Variants in DNMT3A observed in about 807,000 individuals in gnomAD.
DNMT3A encodes DNA (cytosine-5)-methyltransferase 3A.
DNMT3A carries 267 observed loss-of-function variants against 117.6 expected under a neutral mutation model. The observed-to-expected ratio is 2.27, with a 90% CI of 2.05 to 2.51. DNMT3A has a LOEUF of 2.51. Among genes scored for constraint, DNMT3A ranks in the 30% most tolerant of loss-of-function variants. The pLI is 0.00. For missense variants in DNMT3A, 1,029 were observed against 1,260.2 expected, an observed-to-expected ratio of 0.82 and a Z score of 2.78; for synonymous variants, 432 against 474.8, an observed-to-expected ratio of 0.91 and a Z score of 1.17.
Position 25,227,974 on chromosome 2 carries a change from T to C in DNMT3A, c.*6305A>G, listed in dbSNP as rs1333008126. 1 of 151,472 alleles carries C rather than the reference T, an allele frequency of 6.6e-6. No individual in the cohort carries two copies. The highest frequency in any genetic ancestry group is 2.4e-5 in the African/African-American group (1 of 41,218). 9.4% of individuals were successfully genotyped at this position (151,472 alleles called of 1,614,324 possible). A position where few individuals can be genotyped will look rare whatever the true frequency, so the allele number is the denominator to read the frequency against. ...ATATTCTTCTGGGCACAAAAAAAAA[T>C]GTGATGAAGGCGGAACTGACAGACT... On this transcript the variant is annotated 3_prime_UTR_variant, in exon 23 of 23. Coordinates refer to ENST00000321117, the MANE Select transcript of DNMT3A (RefSeq NM_022552.5).
Position 25,281,042 on chromosome 2 carries a change from G to A in DNMT3A, c.448+1399C>T, listed in dbSNP as rs754768239. On this transcript the variant is annotated intron_variant, in intron 4 of 22. Coordinates refer to ENST00000321117, the MANE Select transcript of DNMT3A (RefSeq NM_022552.5). This position sits in a 1 kb window ranked among gnomAD's most constrained non-coding sequence, Gnocchi z 4.8. ...GCTGATGGGTTCTCTCACACACCTG[G>A]CATTGTTAATGGGAAGGATGGTGTC... Among the ~76,000 whole-genome samples, 7 of 152,122 alleles carry A rather than the reference G, an allele frequency of 4.6e-5. No individual in the cohort carries two copies. Among genetic ancestry groups the A allele is most frequent in the Non-Finnish European group, 8.8e-5 (6 of 68,040 alleles).
Position 25,314,000 on chromosome 2 carries a change from CAG to C in DNMT3A, c.-18_-17del. On this transcript the variant is annotated 5_prime_UTR_variant, in exon 2 of 23. Transcript: ENST00000321117. ...TGGCGGGCATCTGGGCGCCGGGAGG[CAG>C]GCTGGGGCTGCGCGGGGCTGGGGGG... The C allele has an allele frequency of 6.5e-7, 1 of 1,535,488 alleles. No individual in the cohort carries two copies.
chr2:25,328,331 C>T (rs1215332103), intron 1 of DNMT3A, among the ~76,000 whole-genome samples: 1 of 152,138 alleles, frequency 6.6e-6, no homozygotes, highest in African/African-American at 2.4e-5. Flanking sequence ...GTGCCCCCAC[C>T]TCTCCCAGCT....
At chr2:25,309,679 C>A (rs2033993882) in intron 2 of DNMT3A, among the ~76,000 whole-genome samples, 1 of 152,224 alleles carries the variant, frequency 6.6e-6, no homozygotes, top group Admixed American at 6.5e-5. Flanking sequence ...AGTGACTTAA[C>A]CTCTCTGAGC....
At chr2:25,271,771 A>G (rs995359075) in intron 6 of DNMT3A, among the ~76,000 whole-genome samples, 1 of 152,228 alleles carries the variant, frequency 6.6e-6, no homozygotes, top group Non-Finnish European at 1.5e-5. Flanking sequence ...TTGCAAGTCA[A>G]GTGTACTAAA....
In DNMT3A at chr2:25,339,929, GCCGC is replaced by G. The variant is rs1031271689; in HGVS notation, c.-178+1893_-178+1896del. ...CACCTGATCCCAGGATCCCTTCGTAGCCGCCCGCCCAGGAGGCGGGTTCAGCCGC... is the reference window on the plus strand; with the variant it reads ...CACCTGATCCCAGGATCCCTTCGTAGCCGCCCAGGAGGCGGGTTCAGCCGC... On this transcript the variant is annotated intron_variant, in intron 1 of 22. Coordinates refer to ENST00000321117, the MANE Select transcript of DNMT3A (RefSeq NM_022552.5). This position sits in a 1 kb window ranked among gnomAD's most constrained non-coding sequence, Gnocchi z 4.9. Among the ~76,000 whole-genome samples the G allele has an allele frequency of 1.3e-3, 76 of 60,168 alleles. No individual in the cohort carries two copies. Among genetic ancestry groups the G allele is most frequent in the African/African-American group, 5.5e-3 (75 of 13,734 alleles). 39.5% of individuals were successfully genotyped at this position (60,168 alleles called of 152,430 possible). A position where few individuals can be genotyped will look rare whatever the true frequency, so the allele number is the denominator to read the frequency against.
chr2:25,245,908 G>T, intron 12 of DNMT3A, 112 bp downstream of exon 12: 1 of 1,322,122 alleles, frequency 7.6e-7, no homozygotes, highest in Non-Finnish European at 1.1e-6. Flanking sequence ...AAGGTGGTGT[G>T]ACACGCAGGA....
chr2:25,318,226 T>C (rs568120772), intron 1 of DNMT3A, among the ~76,000 whole-genome samples: 1 of 152,242 alleles, frequency 6.6e-6, no homozygotes, highest in Non-Finnish European at 1.5e-5. Flanking sequence ...TCAGCCTATG[T>C]AGACTTGAAA....
Position 25,298,556 on chromosome 2 carries a change from A to G in DNMT3A, c.177+1583T>C, listed in dbSNP as rs1409498721. Among the ~76,000 whole-genome samples the G allele has an allele frequency of 6.6e-6, 1 of 152,094 alleles. No homozygotes were observed. Among genetic ancestry groups the G allele is most frequent in the Non-Finnish European group, 1.5e-5 (1 of 68,006 alleles). ...TGCACGTTGCCAAGCCTCAGGAGAG[A>G]GGCAGGGCACGCTGCAAATGTGGAG... On this transcript the variant is annotated intron_variant, in intron 3 of 22. Transcript: ENST00000321117. This position sits in a 1 kb window ranked among gnomAD's most constrained non-coding sequence, Gnocchi z 4.3.
At chr2:25,269,049 C>A (rs948110388) in intron 6 of DNMT3A, among the ~76,000 whole-genome samples, 1 of 152,240 alleles carries the variant, frequency 6.6e-6, no homozygotes, top group South Asian at 2.1e-4. Context: ...AGTCTGAGTG[C>A]AGTGGCTCAT....
chr2:25,268,275 T>C (rs888533541), intron 6 of DNMT3A, among the ~76,000 whole-genome samples: 1 of 152,116 alleles, frequency 6.6e-6, no homozygotes, highest in Non-Finnish European at 1.5e-5. Context: ...CCTAGAACAA[T>C]AGGACATGGT....
chr2:25,233,628 G>A lies in DNMT3A; in HGVS notation c.*651C>T, dbSNP rs1163754515. 6 of 232,672 alleles carry A rather than the reference G, an allele frequency of 2.6e-5. No homozygotes were observed. The highest frequency in any genetic ancestry group is 1.1e-4 in the African/African-American group (5 of 45,076). The allele number at this position is 232,672 out of a possible 1,614,324, so 14.4% of individuals were successfully genotyped here. Reference sequence around the variant, plus strand: ...CCTGCTGCTAACTGGGTTCTGTTTTGCGTGACCAGGAATGGTGCTGGCACG... The same window carrying A: ...CCTGCTGCTAACTGGGTTCTGTTTTACGTGACCAGGAATGGTGCTGGCACG... On this transcript the variant is annotated 3_prime_UTR_variant, in exon 23 of 23. Coordinates refer to ENST00000321117, the MANE Select transcript of DNMT3A (RefSeq NM_022552.5).
chr2:25,241,474 G>C, intron 17 of DNMT3A, 88 bp downstream of exon 17: 1 of 1,502,340 alleles, frequency 6.7e-7, no homozygotes, highest in Non-Finnish European at 8.9e-7. Flanking sequence ...GAGGGCAAAT[G>C]AACAAAATGA....
In DNMT3A at chr2:25,233,705, C is replaced by T. The variant is rs1673005042; in HGVS notation, c.*574G>A. 3 of 224,608 alleles carry T rather than the reference C, an allele frequency of 1.3e-5. No homozygotes were observed. Among genetic ancestry groups the T allele is most frequent in the East Asian group, 6.2e-5 (1 of 16,030 alleles). The allele number at this position is 224,608 out of a possible 1,614,324, so 13.9% of individuals were successfully genotyped here. Reference sequence around the variant, plus strand: ...TGCCGCCTGAGTGTCTCTCTCTTTCCGTCCCCTGCTTGTGCTCCTATCTGA... The same window carrying T: ...TGCCGCCTGAGTGTCTCTCTCTTTCTGTCCCCTGCTTGTGCTCCTATCTGA... On this transcript the variant is annotated 3_prime_UTR_variant, in exon 23 of 23. Coordinates refer to ENST00000321117, the MANE Select transcript of DNMT3A (RefSeq NM_022552.5).
At chr2:25,255,354 T>C (rs1676017948) in intron 6 of DNMT3A, among the ~76,000 whole-genome samples, 1 of 152,246 alleles carries the variant, frequency 6.6e-6, no homozygotes, top group East Asian at 1.9e-4. Flanking sequence ...GAGTTAAAGA[T>C]AGCCAAACTC....
chr2:25,232,290 A>G lies in DNMT3A; in HGVS notation c.*1989T>C, dbSNP rs1672912844. On this transcript the variant is annotated 3_prime_UTR_variant, in exon 23 of 23. Coordinates refer to ENST00000321117, the MANE Select transcript of DNMT3A (RefSeq NM_022552.5). This position sits in a 1 kb window ranked among gnomAD's most constrained non-coding sequence, Gnocchi z 4.1. ...TCTATATGCCACATATCTACACCCCATCTACCCAGGCAAGCACCTGCCCGT... is the reference window on the plus strand; with the variant it reads ...TCTATATGCCACATATCTACACCCCGTCTACCCAGGCAAGCACCTGCCCGT... The G allele has an allele frequency of 6.6e-6, 1 of 152,116 alleles. No homozygotes were observed. The highest frequency in any genetic ancestry group is 1.5e-5 in the Non-Finnish European group (1 of 68,050). The allele number at this position is 152,116 out of a possible 1,614,324, so 9.4% of individuals were successfully genotyped here.
intron 2 of DNMT3A, among the ~76,000 whole-genome samples, chr2:25,309,003 A>G (rs1219179202): frequency 6.6e-6 from 1 of 151,708 alleles, no homozygotes; most frequent in Non-Finnish European, 1.5e-5. Flanking sequence ...ACACACACGC[A>G]CGCACATGTG....
intron 16 of DNMT3A, among the ~76,000 whole-genome samples, chr2:25,242,939 G>T (rs1283253378): frequency 6.6e-6 from 1 of 152,048 alleles, no homozygotes; most frequent in Non-Finnish European, 1.5e-5. Context: ...AATAGTAAAT[G>T]ACCTAATAGG....
intron 1 of DNMT3A, among the ~76,000 whole-genome samples, chr2:25,326,177 TTTC>T (rs1199205991): frequency 4.0e-5 from 6 of 151,134 alleles, no homozygotes; most frequent in Non-Finnish European, 8.8e-5. Context: ...TGGTAACCAT[TTTC>T]TTCTTTTTTT....
Sources: allele counts gnomAD v4.1 joint callset (sites outside exome capture counted in the v4.1 genomes callset), GRCh38; gene constraint gnomAD v4.1.1; non-coding constraint Gnocchi (gnomAD v3.1); transcripts MANE v1.5; gene names NCBI Gene and HGNC (gene_info 2026-07-23, HGNC 2026-07-21).